Variants in SLC4A4 observed in about 807,000 individuals in gnomAD.
The protein encoded by SLC4A4 is solute carrier family 4 member 4, also known as electrogenic sodium bicarbonate cotransporter 1.
Under a neutral mutation model 111.5 loss-of-function variants are expected in SLC4A4, and 27 were observed. The ratio of observed to expected loss-of-function variants is 0.24; its 90% CI spans 0.18 to 0.33. The LOEUF (loss-of-function observed/expected upper bound fraction) is 0.33, where lower values mean the gene tolerates loss of function less well. Among genes scored for constraint, SLC4A4 ranks in the 10% least tolerant of loss-of-function variants. The pLI is 1.00. For synonymous variants in SLC4A4, 443 were observed against 463.4 expected, an observed-to-expected ratio of 0.96 and a Z score of 0.57; for missense variants, 909 against 1,315.5, an observed-to-expected ratio of 0.69 and a Z score of 4.78.
At chr4:71,346,231 A>G (rs890931681) in intron 4 of SLC4A4, among the ~76,000 whole-genome samples, 1 of 152,038 alleles carries the variant, frequency 6.6e-6, no homozygotes, top group African/African-American at 2.4e-5. Context: ...GTATTTTATC[A>G]TTATTCTTCT....
intron 2 of SLC4A4, among the ~76,000 whole-genome samples, chr4:71,106,563 C>G (rs1434372084): frequency 6.9e-6 from 1 of 145,508 alleles, no homozygotes; most frequent in Non-Finnish European, 1.5e-5. Flanking sequence ...GAAAATGTGG[C>G]ACATATACAC....
chr4:71,547,820 A>C, intron 20 of SLC4A4, 100 bp downstream of exon 20: 1 of 1,025,116 alleles, frequency 9.8e-7, no homozygotes, highest in Non-Finnish European at 1.5e-6. Context: ...CGAGATTCTC[A>C]TCAGTTCTGT....
At chr4:71,100,154 A>G (rs775502665) in intron 2 of SLC4A4, among the ~76,000 whole-genome samples, 4 of 152,218 alleles carry the variant, frequency 2.6e-5, no homozygotes, top group Non-Finnish European at 5.9e-5. Context: ...CAACAAAAAA[A>G]GAAAACTTCA....
chr4:71,361,555 T>A (rs530185975), intron 6 of SLC4A4, among the ~76,000 whole-genome samples: 2 of 152,344 alleles, frequency 1.3e-5, no homozygotes, highest in East Asian at 3.9e-4. Context: ...TTCTATAATG[T>A]TGCATGAAGA....
At chr4:71,483,674 A>T (rs1312863203) in intron 14 of SLC4A4, among the ~76,000 whole-genome samples, 2 of 151,718 alleles carry the variant, frequency 1.3e-5, no homozygotes, top group South Asian at 4.1e-4. Context: ...TTTGTATTCC[A>T]TTGGGTATAT....
chr4:71,422,155 A>G (rs1579066817), intron 7 of SLC4A4, among the ~76,000 whole-genome samples: 1 of 142,252 alleles, frequency 7.0e-6, no homozygotes, highest in African/African-American at 2.7e-5. Context: ...TAAAGGGGAT[A>G]TCACCACCGA....
chr4:71,340,818 C>T (rs1028388762), intron 4 of SLC4A4, among the ~76,000 whole-genome samples: 1 of 151,884 alleles, frequency 6.6e-6, no homozygotes, highest in Non-Finnish European at 1.5e-5. Context: ...ATATAGTATA[C>T]AATGTATTTA....
intron 3 of SLC4A4, among the ~76,000 whole-genome samples, chr4:71,309,984 C>T (rs1438711197): frequency 6.6e-6 from 1 of 151,812 alleles, no homozygotes; most frequent in Non-Finnish European, 1.5e-5. Flanking sequence ...TAGAGAAGAA[C>T]ATAAATGACC....
At position 71,167,818 on chromosome 4, in the gene SLC4A4, T is replaced by A. The variant is rs550239486; in HGVS notation, c.-1-68758T>A. Among the ~76,000 whole-genome samples the A allele has an allele frequency of 2.0e-5, 3 of 152,340 alleles. No individual in the cohort carries two copies. The East Asian group carries it at 5.8e-4, about 29-fold the overall frequency. On this transcript the variant is annotated intron_variant, in intron 2 of 26. Transcript: ENST00000649996. ...TGTAGGAGTCACCTTTGATTTTTCT[T>A]GTTCTTTCAACTCTTACATCTAATG...
intron 6 of SLC4A4, among the ~76,000 whole-genome samples, chr4:71,362,553 G>T (rs893931181): frequency 6.6e-6 from 1 of 152,186 alleles, no homozygotes; most frequent in African/African-American, 2.4e-5. Context: ...TACTTGCTCT[G>T]TAGCTTACTA....
chr4:71,376,156 T>TATATATACACACACACACAC (rs1553900734), intron 6 of SLC4A4, among the ~76,000 whole-genome samples: 1 of 135,520 alleles, frequency 7.4e-6, no homozygotes, highest in African/African-American at 2.8e-5. Context: ...CCTGTATATA[T>TATATATACACACACACACAC]ACACACACAC....
At position 71,374,464 on chromosome 4, in the gene SLC4A4, T is replaced by A. The variant is rs73828111; in HGVS notation, c.730+17277T>A. ...TTAGTTAACGTAAGACATTCAGAAA[T>A]TGTATGTGGTATGCAAGAATGAGTT... On this transcript the variant is annotated intron_variant, in intron 6 of 25. Coordinates refer to ENST00000264485, the MANE Select transcript of SLC4A4 (RefSeq NM_001098484.3). Among the ~76,000 whole-genome samples the A allele has an allele frequency of 8.4e-3, 1,283 of 152,280 alleles. 21 individuals are homozygous for A. Among genetic ancestry groups the A allele is most frequent in the African/African-American group, 0.027 (1,135 of 41,548 alleles).
chr4:71,215,798 C>T (rs1718392730), intron 1 of SLC4A4, among the ~76,000 whole-genome samples: 1 of 151,946 alleles, frequency 6.6e-6, no homozygotes, highest in Non-Finnish European at 1.5e-5. Flanking sequence ...ACAAACGATA[C>T]ATATAATTAT....
At chr4:71,123,805 G>T (rs774110930) in intron 2 of SLC4A4, among the ~76,000 whole-genome samples, 22 of 152,058 alleles carry the variant, frequency 1.4e-4, no homozygotes, top group Non-Finnish European at 2.9e-4. Flanking sequence ...TCTAAAATTT[G>T]TTATAACGTT....
intron 16 of SLC4A4, among the ~76,000 whole-genome samples, chr4:71,523,830 T>C (rs1161741453): frequency 6.6e-6 from 1 of 152,194 alleles, no homozygotes; most frequent in Non-Finnish European, 1.5e-5. Context: ...AGTGATTTAT[T>C]TGAGTTTTAT....
At chr4:71,121,095 A>C (rs1385223240) in intron 2 of SLC4A4, among the ~76,000 whole-genome samples, 1 of 152,106 alleles carries the variant, frequency 6.6e-6, no homozygotes, top group Admixed American at 6.5e-5. Context: ...GAGGGTGTGC[A>C]GGGTCCCCCA....
At chr4:71,320,126 AT>A (rs1727005061) in intron 3 of SLC4A4, among the ~76,000 whole-genome samples, 1 of 151,992 alleles carries the variant, frequency 6.6e-6, no homozygotes, top group Non-Finnish European at 1.5e-5. Context: ...ATTGGGAACA[AT>A]CCCTTCCCCT....
chr4:71,139,934 T>C (rs1743950892), intron 2 of SLC4A4, among the ~76,000 whole-genome samples: 1 of 151,736 alleles, frequency 6.6e-6, no homozygotes, highest in Admixed American at 6.6e-5. Context: ...CTATTTAATA[T>C]TAGAACTTAA....
At chr4:71,384,520 G>A (rs918577597) in intron 6 of SLC4A4, among the ~76,000 whole-genome samples, 2 of 151,658 alleles carry the variant, frequency 1.3e-5, no homozygotes, top group African/African-American at 2.4e-5. Flanking sequence ...CCCAAGTCAT[G>A]TTTTGTGAGC....
Sources: allele counts gnomAD v4.1 joint callset (sites outside exome capture counted in the v4.1 genomes callset), GRCh38; gene constraint gnomAD v4.1.1; transcripts MANE v1.5; gene names NCBI Gene and HGNC (gene_info 2026-07-23, HGNC 2026-07-21).